The following NRXN1 variants were observed in gnomAD, a reference collection of about 807,000 sequenced individuals.
NRXN1 encodes neurexin-1.
A neutral mutation model predicts 150.9 loss-of-function variants in NRXN1; 39 were observed. The observed-to-expected ratio is 0.26, with a 90% CI of 0.20 to 0.34. NRXN1 has a LOEUF of 0.34. Among genes scored for constraint, NRXN1 ranks in the 10% least tolerant of loss-of-function variants. The pLI is 1.00. For synonymous variants in NRXN1, 924 were observed against 757.0 expected (o/e 1.22, Z -3.62); for missense variants, 1,815 against 1,949.9 (o/e 0.93, Z 1.30).
chr2:50,534,010 C>T (rs1232637196), intron 10 of NRXN1, among the ~76,000 whole-genome samples: 6 of 151,980 alleles, frequency 3.9e-5, no homozygotes, highest in South Asian at 2.1e-4. Flanking sequence ...AGATCAGTCT[C>T]TCATATGCAT....
chr2:50,768,915 A>AACAAC (rs1554061752), intron 5 of NRXN1, among the ~76,000 whole-genome samples: 13 of 149,216 alleles, frequency 8.7e-5, no homozygotes, highest in Admixed American at 4.7e-4. Flanking sequence ...CAACAACAAC[A>AACAAC]ACACACACAC....
intron 18 of NRXN1, among the ~76,000 whole-genome samples, chr2:50,190,921 C>A (rs2061404351): frequency 6.6e-6 from 1 of 152,100 alleles, no homozygotes; most frequent in Admixed American, 6.5e-5. Context: ...CCTACACCTC[C>A]TAACATTTTA....
chr2:50,206,427 A>AC (rs1553758607), intron 18 of NRXN1, among the ~76,000 whole-genome samples: 17 of 151,922 alleles, frequency 1.1e-4, no homozygotes, highest in African/African-American at 4.1e-4. Context: ...CTCAGAGGAC[A>AC]TTTTTTTCTT....
At chr2:50,329,431 C>G (rs1223793823) in intron 17 of NRXN1, among the ~76,000 whole-genome samples, 1 of 150,002 alleles carries the variant, frequency 6.7e-6, no homozygotes, top group Non-Finnish European at 1.5e-5. Context: ...CTGGATAGTA[C>G]AGGAGGTAGT....
chr2:50,597,419 A>C (rs1187177837), intron 8 of NRXN1, among the ~76,000 whole-genome samples: 1 of 152,062 alleles, frequency 6.6e-6, no homozygotes, highest in Non-Finnish European at 1.5e-5. Flanking sequence ...CTCTTGTGTT[A>C]ACTGTCATTC....
chr2:50,269,611 G>GT (rs1389778003), intron 17 of NRXN1, among the ~76,000 whole-genome samples: 1 of 152,104 alleles, frequency 6.6e-6, no homozygotes, highest in African/African-American at 2.4e-5. Context: ...ATAGCTAGAA[G>GT]TTAAGTCCAG....
At chr2:50,587,224 C>T (rs193291443) in intron 8 of NRXN1, among the ~76,000 whole-genome samples, 37 of 152,406 alleles carry the variant, frequency 2.4e-4, no homozygotes, top group South Asian at 8.3e-4. Flanking sequence ...GTGGCTCACA[C>T]CTGTAATCCC....
chr2:50,549,103 GTAAAA>G (rs1324228237), intron 9 of NRXN1, among the ~76,000 whole-genome samples: 2 of 151,994 alleles, frequency 1.3e-5, no homozygotes, highest in African/African-American at 2.4e-5. Context: ...TAAAAAATGG[GTAAAA>G]TAAATTATTT....
intron 13 of NRXN1, among the ~76,000 whole-genome samples, chr2:50,501,348 A>T (rs905685966): frequency 6.6e-6 from 1 of 151,218 alleles, no homozygotes; most frequent in Non-Finnish European, 1.5e-5. Context: ...TTCAGAGCTA[A>T]GGAGGATTTG....
intron 17 of NRXN1, among the ~76,000 whole-genome samples, chr2:50,260,831 T>G (rs1477478435): frequency 4.6e-5 from 7 of 151,570 alleles, no homozygotes; most frequent in African/African-American, 1.5e-4. Flanking sequence ...AACTGTGACT[T>G]GAAAAACGAG....
chr2:50,529,486 G>A (rs2093042221), intron 11 of NRXN1, among the ~76,000 whole-genome samples: 1 of 152,010 alleles, frequency 6.6e-6, no homozygotes, highest in African/African-American at 2.4e-5. Context: ...TAATTATAGT[G>A]GTTATTTTTA....
intron 17 of NRXN1, among the ~76,000 whole-genome samples, chr2:50,433,852 A>G (rs1199397802): frequency 6.6e-6 from 1 of 152,072 alleles, no homozygotes. Context: ...AGACAACTTC[A>G]GAAATAAAAG....
chr2:50,979,373 G>C, intron 2 of NRXN1: 1 of 445,048 alleles, frequency 2.2e-6, no homozygotes, highest in Non-Finnish European at 4.5e-6. Flanking sequence ...AAATACCTTG[G>C]AAACTTGCCA....
intron 5 of NRXN1, chr2:50,829,292 G>C: frequency 3.3e-6 from 2 of 609,400 alleles, no homozygotes; most frequent in East Asian, 5.5e-5. Context: ...AGAGGGAGAG[G>C]GGTAATTTTG....
intron 21 of NRXN1, among the ~76,000 whole-genome samples, chr2:50,006,418 G>A (rs1210136004): frequency 6.6e-6 from 1 of 152,024 alleles, no homozygotes; most frequent in Non-Finnish European, 1.5e-5. Flanking sequence ...TCTAATGCCT[G>A]CAGACCAAGT....
At chr2:50,818,282 TAAC>T (rs1669225862) in intron 5 of NRXN1, among the ~76,000 whole-genome samples, 1 of 151,816 alleles carries the variant, frequency 6.6e-6, no homozygotes, top group South Asian at 2.1e-4. Flanking sequence ...TTGGACATCT[TAAC>T]AATATTAAGC....
chr2:50,912,550 G>A (rs1684670090), intron 5 of NRXN1, among the ~76,000 whole-genome samples: 1 of 151,862 alleles, frequency 6.6e-6, no homozygotes, highest in Admixed American at 6.6e-5. Flanking sequence ...CACTAGACAA[G>A]TATGTTTTAA....
intron 5 of NRXN1, among the ~76,000 whole-genome samples, chr2:50,703,212 C>T (rs567063642): frequency 1.6e-3 from 236 of 152,064 alleles, no homozygotes; most frequent in African/African-American, 5.4e-3. Flanking sequence ...GGGCAAACCA[C>T]CAGAAAAAGC....
intron 21 of NRXN1, chr2:49,973,901 G>T: frequency 3.1e-6 from 2 of 647,312 alleles, no homozygotes; most frequent in South Asian, 1.8e-5. Context: ...TAGGCTTCTG[G>T]TATCTTAAAC....
Sources: allele counts gnomAD v4.1 joint callset (sites outside exome capture counted in the v4.1 genomes callset), GRCh38; gene constraint gnomAD v4.1.1; transcripts MANE v1.5; gene names NCBI Gene and HGNC (gene_info 2026-07-23, HGNC 2026-07-21).